Variants in RBM33 observed in about 807,000 individuals in gnomAD.
The protein encoded by RBM33 is RNA-binding protein 33.
RBM33 carries 28 observed loss-of-function variants against 132.6 expected under a neutral mutation model. The observed-to-expected ratio is 0.21, with a 90% CI of 0.16 to 0.29. The LOEUF (loss-of-function observed/expected upper bound fraction) is 0.29, where lower values mean the gene tolerates loss of function less well. Among genes scored for constraint, RBM33 ranks in the 10% least tolerant of loss-of-function variants. The pLI, the probability that RBM33 is intolerant of heterozygous loss-of-function variation, is 1.00. For synonymous variants in RBM33, 634 were observed against 593.0 expected (o/e 1.07, Z -1.01); for missense variants, 1,291 against 1,518.5 (o/e 0.85, Z 2.49).
chr7:155,726,450 G>A (rs959734907), intron 9 of RBM33, among the ~76,000 whole-genome samples: 1 of 151,972 alleles, frequency 6.6e-6, no homozygotes, highest in Non-Finnish European at 1.5e-5. Flanking sequence ...ATGCAGAAAA[G>A]TGAAAGTATA....
At chr7:155,651,044 A>G (rs1798340736) in intron 1 of RBM33, among the ~76,000 whole-genome samples, 1 of 151,992 alleles carries the variant, frequency 6.6e-6, no homozygotes, top group Non-Finnish European at 1.5e-5. Flanking sequence ...CACCCAGCTG[A>G]TTTTTGTATT....
chr7:155,772,982 A>C (rs1802479934), intron 16 of RBM33, among the ~76,000 whole-genome samples: 1 of 152,224 alleles, frequency 6.6e-6, no homozygotes, highest in Non-Finnish European at 1.5e-5. Context: ...GTTATTTCAT[A>C]TACAGTGTAA....
At chr7:155,703,416 A>T (rs1800022646) in intron 6 of RBM33, among the ~76,000 whole-genome samples, 1 of 152,146 alleles carries the variant, frequency 6.6e-6, no homozygotes, top group South Asian at 2.1e-4. Context: ...ATACAGCTTG[A>T]CTAGTGACCA....
intron 8 of RBM33, among the ~76,000 whole-genome samples, chr7:155,715,633 G>A (rs568437036): frequency 6.6e-6 from 1 of 152,192 alleles, no homozygotes; most frequent in African/African-American, 2.4e-5. Context: ...CTTTAGTGCC[G>A]CATGTCCCTT....
chr7:155,692,743 T>A (rs1385194952), intron 5 of RBM33, among the ~76,000 whole-genome samples: 2 of 152,248 alleles, frequency 1.3e-5, no homozygotes, highest in Non-Finnish European at 2.9e-5. Context: ...TAAAATCTTA[T>A]ACTCTTCACT....
chr7:155,761,166 T>A (rs1417150801), intron 14 of RBM33, among the ~76,000 whole-genome samples: 1 of 152,216 alleles, frequency 6.6e-6, no homozygotes, highest in Non-Finnish European at 1.5e-5. Flanking sequence ...GAATCTTACC[T>A]GGTCATGAGG....
chr7:155,779,229 G>A lies in RBM33; in HGVS notation c.*4188G>A, dbSNP rs1342951688. On this transcript the variant is annotated 3_prime_UTR_variant, in exon 18 of 18. Transcript: ENST00000401878. ...TTTTTTTTTAATTTGGAGTGGGAGG[G>A]AGGGGGGTGGGCGAGAGAAAGCTCG... 6.7e-6 allele frequency: 1 copy of A among 148,508 alleles called. No individual in the cohort carries two copies. The highest frequency in any genetic ancestry group is 1.5e-5 in the Non-Finnish European group (1 of 67,128). 9.2% of individuals were successfully genotyped at this position (148,508 alleles called of 1,614,324 possible).
intron 6 of RBM33, among the ~76,000 whole-genome samples, chr7:155,703,666 G>C (rs1233040191): frequency 6.6e-6 from 1 of 152,090 alleles, no homozygotes; most frequent in Non-Finnish European, 1.5e-5. Context: ...GAATTCTCTT[G>C]TTACCTTCAG....
chr7:155,673,637 CATACACACGTGTATATAT>C (rs1563137694), intron 3 of RBM33, among the ~76,000 whole-genome samples: 6 of 33,886 alleles, frequency 1.8e-4, no homozygotes, highest in East Asian at 8.8e-4. Context: ...CACACATATA[CATACACACGTGTATATAT>C]ACACACATAT....
At chr7:155,644,950 G>C in intron 1 of RBM33, 31 bp downstream of exon 1, 1 of 1,471,228 alleles carries the variant, frequency 6.8e-7, no homozygotes. Flanking sequence ...CTGGGGGCCA[G>C]GACCGCGCCG....
chr7:155,726,592 G>A (rs1335796724), intron 9 of RBM33, among the ~76,000 whole-genome samples: 1 of 152,130 alleles, frequency 6.6e-6, no homozygotes, highest in African/African-American at 2.4e-5. Flanking sequence ...GTAGAATTAC[G>A]TTAGTACTAA....
At chr7:155,741,671 A>G in intron 12 of RBM33, 148 bp from the exon 13 acceptor site, 1 of 733,444 alleles carries the variant, frequency 1.4e-6, no homozygotes. Context: ...TATGAGAAAA[A>G]AAGTATGAGA....
At chr7:155,656,495 AAG>A (rs1798494821) in intron 1 of RBM33, among the ~76,000 whole-genome samples, 2 of 152,234 alleles carry the variant, frequency 1.3e-5, no homozygotes, top group Admixed American at 1.3e-4. Flanking sequence ...TGAAAAGACA[AAG>A]TACTTCTTTT....
At chr7:155,769,615 C>T (rs1882042) in intron 16 of RBM33, among the ~76,000 whole-genome samples, 214 of 152,206 alleles carry the variant, frequency 1.4e-3, no homozygotes, top group African/African-American at 5.0e-3. Flanking sequence ...AAGGTGGGAT[C>T]ATCTCGGCGT....
rs1196689861 is a variant in RBM33 at position 155,700,905 on chromosome 7, G to C, written c.700G>C (p.Asp234His). The C allele has an allele frequency of 6.2e-7, 1 of 1,613,138 alleles. No homozygotes were observed. Among genetic ancestry groups the C allele is most frequent in the African/African-American group, 1.3e-5 (1 of 75,032 alleles). The change falls in exon 6 of 18, where the codon GAT (aspartate) becomes CAT (histidine). Residue 234 changes from aspartate (D) to histidine (H), a missense_variant. Physicochemically the swap from Asp to His is moderately conservative, Grantham distance 81 (BLOSUM62 -1). Around this residue, in one of 7 missense-constraint regions of RBM33, gnomAD observed 11 missense variants for 39.4 expected, o/e 0.28. Coordinates refer to ENST00000401878, the MANE Select transcript of RBM33 (RefSeq NM_053043.3). ...AGAAGGAACAATTATTAGGCTCTCAGATGTAACTAGAGAGAGAAGGAACAT... is the reference window on the plus strand; with the variant it reads ...AGAAGGAACAATTATTAGGCTCTCACATGTAACTAGAGAGAGAAGGAACAT... The part of the protein sequence containing the change: ...RKEGTIIRLS[D>H]VTRERRNIPE...
intron 4 of RBM33, among the ~76,000 whole-genome samples, chr7:155,679,172 AAAAAAAAAAAAAC>A (rs897755434): frequency 1.4e-5 from 2 of 146,522 alleles, no homozygotes; most frequent in African/African-American, 5.2e-5. Flanking sequence ...ACGCCGTCTT[AAAAAAAAAAAAAC>A]AAAAAACAAA....
At chr7:155,706,094 T>C (rs1800104245) in intron 6 of RBM33, among the ~76,000 whole-genome samples, 1 of 152,256 alleles carries the variant, frequency 6.6e-6, no homozygotes, top group African/African-American at 2.4e-5. Flanking sequence ...CTTGCGTCTA[T>C]GTGCCATCGT....
At chr7:155,730,454 T>C (rs545872520) in intron 9 of RBM33, among the ~76,000 whole-genome samples, 1 of 152,348 alleles carries the variant, frequency 6.6e-6, no homozygotes, top group South Asian at 2.1e-4. Context: ...TATGGTGAAC[T>C]TTTGTTATTT....
At chr7:155,658,412 G>T (rs185493976) in intron 1 of RBM33, among the ~76,000 whole-genome samples, 1 of 145,004 alleles carries the variant, frequency 6.9e-6, no homozygotes, top group Non-Finnish European at 1.5e-5. Flanking sequence ...TTTTGAGACG[G>T]AGTGTCTCTC....
Sources: allele counts gnomAD v4.1 joint callset (sites outside exome capture counted in the v4.1 genomes callset), GRCh38; gene constraint gnomAD v4.1.1; regional missense constraint gnomAD v4.1.1; transcripts MANE v1.5; gene names NCBI Gene and HGNC (gene_info 2026-07-23, HGNC 2026-07-21).